The following PLEKHA1 variants were observed in gnomAD, a reference collection of about 807,000 sequenced individuals.
PLEKHA1 encodes the protein pleckstrin homology domain-containing family A member 1.
Under a neutral mutation model 52.0 loss-of-function variants are expected in PLEKHA1, and 34 were observed. The ratio of observed to expected loss-of-function variants is 0.65; its 90% CI spans 0.50 to 0.87. The LOEUF (loss-of-function observed/expected upper bound fraction) is 0.87. Among genes scored for constraint, PLEKHA1 ranks in the 40% least tolerant of loss-of-function variants. PLEKHA1 has a pLI of 0.00. For synonymous variants in PLEKHA1, 163 were observed against 170.7 expected, an observed-to-expected ratio of 0.95 and a Z score of 0.35; for missense variants, 497 against 504.2, an observed-to-expected ratio of 0.99 and a Z score of 0.14.
intron 1 of PLEKHA1, among the ~76,000 whole-genome samples, chr10:122,377,000 T>G (rs2096547670): frequency 6.6e-6 from 1 of 152,232 alleles, no homozygotes; most frequent in Non-Finnish European, 1.5e-5. Flanking sequence ...AGTGGCTTTT[T>G]GACTTAAGCC....
In PLEKHA1 at chr10:122,424,257, A is replaced by T. The variant is rs771299297; in HGVS notation, c.740A>T (p.Lys247Met). ...GAGGTTCATAAAGTCCAGGAATGTA[A>T]GCAAAGGTAAGGAACCGCTCTGACT... ...LKEVHKVQEC[K>M]QSDIMMRDNL... Residue 247 changes from lysine (K) to methionine (M), a missense_variant, in exon 9 of 12, where the codon AAG becomes ATG. Coordinates refer to ENST00000368990, the MANE Select transcript of PLEKHA1 (RefSeq NM_001001974.4). The T allele has an allele frequency of 6.3e-7, 1 of 1,597,014 alleles. No individual in the cohort carries two copies. The highest frequency in any genetic ancestry group is 1.1e-5 in the South Asian group (1 of 87,520).
At chr10:122,399,678 G>T (rs1395147410) in intron 3 of PLEKHA1, among the ~76,000 whole-genome samples, 1 of 152,110 alleles carries the variant, frequency 6.6e-6, no homozygotes, top group East Asian at 1.9e-4. Flanking sequence ...CGTCCCCTGG[G>T]TTCACGCCAT....
At chr10:122,425,937 T>C (rs766058101) in intron 10 of PLEKHA1, among the ~76,000 whole-genome samples, 8 of 152,294 alleles carry the variant, frequency 5.3e-5, no homozygotes, top group Admixed American at 3.9e-4. Context: ...TATAGTGTTA[T>C]ATCCTATTTG....
chr10:122,415,935 T>C lies in PLEKHA1; in HGVS notation c.545T>C (p.Phe182Ser). ...CGGTCACAAAGCCATCTTCCTTACT[T>C]TACTCCTAAACCACCTCAAGATAGT... ...LKRSQSHLPY[F>S]TPKPPQDSAV... The change falls in exon 7 of 12, where the codon TTT becomes TCT. Residue 182 changes from phenylalanine to serine, a missense_variant. Transcript: ENST00000368990. 6.2e-7 allele frequency: 1 copy of C among 1,613,624 alleles called. No homozygotes were observed. The highest frequency in any genetic ancestry group is 2.2e-5 in the East Asian group (1 of 44,838).
In PLEKHA1 at chr10:122,400,379, T is replaced by C; in HGVS notation, c.235T>C (p.Phe79Leu). The C allele has an allele frequency of 6.2e-7, 1 of 1,607,628 alleles. No individual in the cohort carries two copies. Among genetic ancestry groups the C allele is most frequent in the African/African-American group, 1.3e-5 (1 of 74,494 alleles). Residue 79 changes from phenylalanine to leucine, a missense_variant, in exon 4 of 12, where the codon TTC (phenylalanine) becomes CTC (leucine). Physicochemically the swap from Phe to Leu is conservative, Grantham distance 22. Coordinates refer to ENST00000368990, the MANE Select transcript of PLEKHA1 (RefSeq NM_001001974.4). ...TACTAAGCTAAGGCCAAAGGCGGAG[T>C]TCTGTTTTGGTAAGTAGCCATGTTA... ...DATKLRPKAE[F>L]CFVMNAGMRK...
At chr10:122,379,338 G>A (rs12259896) in intron 1 of PLEKHA1, among the ~76,000 whole-genome samples, 2 of 152,162 alleles carry the variant, frequency 1.3e-5, no homozygotes, top group Admixed American at 6.5e-5. Context: ...TTGTGATGTC[G>A]AATAGTGGCA....
chr10:122,422,913 A>G (rs529828632), intron 8 of PLEKHA1: 1 of 152,312 alleles, frequency 6.6e-6, no homozygotes, highest in South Asian at 2.1e-4. Flanking sequence ...AGGAATCTAT[A>G]TATATACATA....
chr10:122,400,961 A>T (rs527770168), intron 4 of PLEKHA1, among the ~76,000 whole-genome samples: 1 of 152,342 alleles, frequency 6.6e-6, no homozygotes, highest in East Asian at 1.9e-4. Context: ...AGATAAAGGG[A>T]TATGCAGTCT....
chr10:122,393,432 T>A lies in PLEKHA1; in HGVS notation c.141+91T>A. 1 of 1,273,748 alleles carries A rather than the reference T, an allele frequency of 7.9e-7. No individual in the cohort carries two copies. The highest frequency in any genetic ancestry group is 1.0e-6 in the Non-Finnish European group (1 of 964,360). The allele number at this position is 1,273,748 out of a possible 1,614,324, so 78.9% of individuals were successfully genotyped here. A position where few individuals can be genotyped will look rare whatever the true frequency, so the allele number is the denominator to read the frequency against. ...TATACAGGCTTTAGATTTGTCTTCTTAAGCAGTATATTTTTAGATTTATTT... is the reference window on the plus strand; with the variant it reads ...TATACAGGCTTTAGATTTGTCTTCTAAAGCAGTATATTTTTAGATTTATTT... On this transcript the variant is annotated intron_variant, in intron 2 of 11. Transcript: ENST00000368990. This position sits in a 1 kb window ranked among gnomAD's most constrained non-coding sequence, Gnocchi z 4.5.
the PLEKHA1 span, chr10:122,438,400 G>A: frequency 6.6e-6 from 1 of 152,362 alleles, no homozygotes; most frequent in East Asian, 1.9e-4. Context: ...ATGGAAGCTA[G>A]GGCACAAGTT....
chr10:122,415,587 ATCC>A (rs2097162798), intron 6 of PLEKHA1, among the ~76,000 whole-genome samples: 1 of 152,192 alleles, frequency 6.6e-6, no homozygotes, highest in Admixed American at 6.5e-5. Flanking sequence ...CTTCTGGTGA[ATCC>A]TTATAATTAT....
chr10:122,406,722 T>C, intron 5 of PLEKHA1, 49 bp downstream of exon 5: 1 of 1,369,860 alleles, frequency 7.3e-7, no homozygotes, highest in Non-Finnish European at 1.0e-6. Flanking sequence ...GGAATTAATC[T>C]TTTCATTTTG....
chr10:122,387,036 A>G (rs1186082431), intron 1 of PLEKHA1: 2 of 152,142 alleles, frequency 1.3e-5, no homozygotes, highest in Admixed American at 6.5e-5. Context: ...TGTAGTGTGT[A>G]CTTCCTAATA....
chr10:122,383,313 G>GTTTTTTTTTTTTTTTTT, intron 1 of PLEKHA1, among the ~76,000 whole-genome samples: 1 of 128,390 alleles, frequency 7.8e-6, no homozygotes, highest in Non-Finnish European at 1.6e-5. Flanking sequence ...CTTTCTTTCT[G>GTTTTTTTTTTTTTTTTT]TTTTTTTTTT....
At chr10:122,424,351 TTTTCCATATTAA>T (rs2097307647) in intron 9 of PLEKHA1, 88 bp downstream of exon 9, 1 of 1,385,258 alleles carries the variant, frequency 7.2e-7, no homozygotes, top group South Asian at 1.6e-5. Context: ...CAGATTACAT[TTTTCCATATTAA>T]TTGTAGTTAT....
intron 11 of PLEKHA1, chr10:122,428,398 C>A: frequency 6.7e-7 from 1 of 1,499,658 alleles, no homozygotes; most frequent in Non-Finnish European, 8.9e-7. Flanking sequence ...CCCAGACTTA[C>A]TACTTACAAC....
chr10:122,386,524 G>C (rs1035862392), intron 1 of PLEKHA1: 8 of 152,050 alleles, frequency 5.3e-5, no homozygotes, highest in African/African-American at 1.9e-4. Flanking sequence ...TATGGTTCAG[G>C]CTTTTTGTGT....
intron 4 of PLEKHA1, among the ~76,000 whole-genome samples, chr10:122,406,283 C>A (rs553987698): frequency 1.3e-5 from 2 of 152,234 alleles, no homozygotes; most frequent in South Asian, 2.1e-4. Context: ...TATGATGTTT[C>A]ATTGTGATAT....
chr10:122,432,548 A>T (rs1042854838), downstream of PLEKHA1: 1 of 151,462 alleles, frequency 6.6e-6, no homozygotes, highest in Non-Finnish European at 1.5e-5. Context: ...AGGAAAAATG[A>T]TTTTTTTTTG....
Sources: gnomAD v4.1 joint callset for allele counts (sites outside exome capture counted in the v4.1 genomes callset) on GRCh38, gnomAD v4.1.1 for gene constraint, Gnocchi (gnomAD v3.1) non-coding constraint, MANE v1.5 for transcripts, NCBI Gene and HGNC (gene_info 2026-07-23, HGNC 2026-07-21) for gene names.